Variants in ALPK1 observed in about 807,000 individuals in gnomAD.
ALPK1 encodes the protein alpha-protein kinase 1.
Under a neutral mutation model 120.6 loss-of-function variants are expected in ALPK1, and 110 were observed. The observed-to-expected ratio is 0.91, with a 90% CI of 0.78 to 1.07. ALPK1 has a LOEUF of 1.07. Among genes scored for constraint, ALPK1 ranks in the 50% least tolerant of loss-of-function variants. The pLI, the probability that ALPK1 is intolerant of heterozygous loss-of-function variation, is 0.00. For missense variants in ALPK1, 1,498 were observed against 1,483.9 expected, an observed-to-expected ratio of 1.01 and a Z score of -0.16; for synonymous variants, 582 against 560.3, an observed-to-expected ratio of 1.04 and a Z score of -0.55.
intron 2 of ALPK1, among the ~76,000 whole-genome samples, chr4:112,349,560 C>CCCTT (rs1553939343): frequency 6.8e-6 from 1 of 146,508 alleles, no homozygotes; most frequent in Non-Finnish European, 1.5e-5. Context: ...TGCCCCCCCC[C>CCCTT]GCTTTATTTT....
chr4:112,390,932 G>T (rs949599240), intron 4 of ALPK1, among the ~76,000 whole-genome samples: 1 of 152,176 alleles, frequency 6.6e-6, no homozygotes, highest in Non-Finnish European at 1.5e-5. Context: ...GAATGATTAT[G>T]TGAGGTCCTG....
chr4:112,373,221 C>T (rs981697235), intron 2 of ALPK1, among the ~76,000 whole-genome samples: 1 of 152,224 alleles, frequency 6.6e-6, no homozygotes, highest in Non-Finnish European at 1.5e-5. Flanking sequence ...TTCTTCATTG[C>T]TTCAGGGCCT....
At chr4:112,425,783 G>C in intron 7 of ALPK1, 32 bp downstream of exon 7, 1 of 1,561,888 alleles carries the variant, frequency 6.4e-7, no homozygotes, top group Non-Finnish European at 8.8e-7. Flanking sequence ...ATTTCTCAAG[G>C]CTCATTTACA....
chr4:112,324,329 A>G (rs1427092451), intron 2 of ALPK1, among the ~76,000 whole-genome samples: 12 of 75,478 alleles, frequency 1.6e-4, no homozygotes, highest in African/African-American at 8.7e-4. Context: ...TCCATCTCAG[A>G]AAAAAAAAAA....
Position 112,411,841 on chromosome 4 carries a change from C to G in ALPK1, c.291C>G (p.Ala97=). Residue 97 remains alanine, a synonymous_variant, in exon 5 of 16, where the codon GCC becomes GCG. Coordinates refer to ENST00000650871, the MANE Select transcript of ALPK1 (RefSeq NM_025144.4). ...TGTTCCTCCAGGCGTCCCTGAGGGCCTCCATCCTCGCTCGGGACTGTGCGG... is the reference window on the plus strand; with the variant it reads ...TGTTCCTCCAGGCGTCCCTGAGGGCGTCCATCCTCGCTCGGGACTGTGCGG... ...GLQQLLASLR[A]SILARDCAAA... is the part of the protein sequence containing the mutation. 6.2e-7 allele frequency: 1 copy of G among 1,612,498 alleles called. No individual in the cohort carries two copies.
rs749008244 is a variant in ALPK1 at position 112,430,630 on chromosome 4, C to T, written c.1083C>T (p.Leu361=). 1.9e-6 allele frequency: 3 copies of T among 1,614,128 alleles called. No homozygotes were observed. Among genetic ancestry groups the T allele is most frequent in the South Asian group, 1.1e-5 (1 of 91,074 alleles). ...GCTTTGTCAAAGCTGCTTTCGGTCTCACCACAGTGCACAGAAGGCTCCATG... is the reference window on the plus strand; with the variant it reads ...GCTTTGTCAAAGCTGCTTTCGGTCTTACCACAGTGCACAGAAGGCTCCATG... ...LHSFVKAAFG[L]TTVHRRLHGE... Residue 361 remains leucine (L), a synonymous_variant, in exon 11 of 16, where the codon CTC becomes CTT. Transcript: ENST00000650871.
intron 4 of ALPK1, among the ~76,000 whole-genome samples, chr4:112,402,345 A>G (rs1403781027): frequency 6.6e-6 from 1 of 152,186 alleles, no homozygotes; most frequent in Admixed American, 6.5e-5. Context: ...GCTGGGACCT[A>G]AACTTGATGC....
chr4:112,370,882 A>G (rs1433132978), intron 2 of ALPK1, among the ~76,000 whole-genome samples: 2 of 152,176 alleles, frequency 1.3e-5, no homozygotes, highest in East Asian at 3.9e-4. Flanking sequence ...GTCTTGGCTA[A>G]AATATGGTTT....
intron 12 of ALPK1, among the ~76,000 whole-genome samples, chr4:112,435,771 C>T (rs17628432): frequency 0.29 from 43,847 of 152,104 alleles, 6,714 homozygotes; most frequent in East Asian, 0.42. Flanking sequence ...CCCGCATAGG[C>T]GTTTGAGGCA....
intron 5 of ALPK1, among the ~76,000 whole-genome samples, chr4:112,413,542 C>T (rs1380400788): frequency 6.6e-6 from 1 of 152,194 alleles, no homozygotes; most frequent in Admixed American, 6.5e-5. Context: ...CCTCAGCCTC[C>T]TAAGTAGCTG....
At chr4:112,435,325 A>G (rs1424146019) in intron 12 of ALPK1, 24 bp downstream of exon 12, 4 of 1,593,572 alleles carry the variant, frequency 2.5e-6, no homozygotes, top group East Asian at 2.2e-5. Flanking sequence ...ACATTTGTAT[A>G]ACTAATGTAA....
chr4:112,318,041 G>A (rs1310265939), intron 2 of ALPK1, among the ~76,000 whole-genome samples: 4 of 152,246 alleles, frequency 2.6e-5, no homozygotes, highest in Non-Finnish European at 5.9e-5. Context: ...AGACATTTCA[G>A]GGTATTAGGA....
chr4:112,396,078 GA>G (rs962062981), intron 4 of ALPK1, among the ~76,000 whole-genome samples: 3 of 151,690 alleles, frequency 2.0e-5, no homozygotes, highest in South Asian at 4.2e-4. Flanking sequence ...AAGAAAGAAA[GA>G]AAAAAAATTC....
In ALPK1 at chr4:112,423,979, C is replaced by T. The variant is rs1315958167; in HGVS notation, c.511C>T (p.Leu171=). 1 of 1,613,946 alleles carries T rather than the reference C, an allele frequency of 6.2e-7. No homozygotes were observed. Among genetic ancestry groups the T allele is most frequent in the Admixed American group, 1.7e-5 (1 of 60,020 alleles). The change falls in exon 6 of 16, where the codon CTA becomes TTA. Residue 171 remains leucine, a synonymous_variant. Transcript: ENST00000650871. ...LLKAEYILSS[L]ISNNGATGTW... is the part of the protein sequence containing the mutation. ...AAAAGCAGAGTATATTCTGAGCAGTCTAATAAGCAACAATGGAGCAACGGG... is the reference window on the plus strand; with the variant it reads ...AAAAGCAGAGTATATTCTGAGCAGTTTAATAAGCAACAATGGAGCAACGGG...
intron 4 of ALPK1, among the ~76,000 whole-genome samples, chr4:112,404,200 G>A (rs1202863487): frequency 6.6e-6 from 1 of 152,208 alleles, no homozygotes; most frequent in Non-Finnish European, 1.5e-5. Context: ...TTACATGCAT[G>A]ACCCATTATT....
intron 4 of ALPK1, among the ~76,000 whole-genome samples, chr4:112,407,250 T>G (rs1733225209): frequency 1.3e-5 from 2 of 152,212 alleles, no homozygotes; most frequent in Admixed American, 1.3e-4. Context: ...ATGAACATAC[T>G]TAACACTGCC....
chr4:112,334,807 T>C (rs1457911002), intron 2 of ALPK1, among the ~76,000 whole-genome samples: 1 of 152,218 alleles, frequency 6.6e-6, no homozygotes, highest in East Asian at 1.9e-4. Flanking sequence ...TGCTGGAAGC[T>C]GGATGAGAAA....
intron 4 of ALPK1, among the ~76,000 whole-genome samples, chr4:112,397,764 T>A (rs1208922516): frequency 1.3e-5 from 2 of 152,152 alleles, no homozygotes; most frequent in Non-Finnish European, 2.9e-5. Flanking sequence ...ATAGGGTGAA[T>A]GAATTAGAAT....
chr4:112,327,182 G>T (rs1332945150), intron 2 of ALPK1, among the ~76,000 whole-genome samples: 2 of 152,208 alleles, frequency 1.3e-5, no homozygotes, highest in East Asian at 3.8e-4. Flanking sequence ...GTGCAGGTTT[G>T]AAGGGAGACA....
Sources: gnomAD v4.1 joint callset for allele counts (sites outside exome capture counted in the v4.1 genomes callset) on GRCh38, gnomAD v4.1.1 for gene constraint, MANE v1.5 for transcripts, NCBI Gene and HGNC (gene_info 2026-07-23, HGNC 2026-07-21) for gene names.